Variants in KY observed in about 807,000 individuals in gnomAD.
KY encodes the protein kyphoscoliosis peptidase.
A neutral mutation model predicts 76.1 loss-of-function variants in KY; 43 were observed. The ratio of observed to expected loss-of-function variants is 0.57; its 90% CI spans 0.44 to 0.73. KY has a LOEUF of 0.73. KY is among the 30% of genes least tolerant of loss of function. The probability of loss-of-function intolerance (pLI) is 0.00; values close to 1 mark genes in which losing one functional copy is unlikely to be tolerated. For missense variants in KY, 722 were observed against 828.9 expected, an observed-to-expected ratio of 0.87 and a Z score of 1.58; for synonymous variants, 277 against 326.2, an observed-to-expected ratio of 0.85 and a Z score of 1.63.
chr3:134,631,088 A>G (rs1964164059), intron 3 of KY, among the ~76,000 whole-genome samples: 1 of 152,220 alleles, frequency 6.6e-6, no homozygotes, highest in South Asian at 2.1e-4. Flanking sequence ...AGAGATCTGT[A>G]GGTCAATACC....
At chr3:134,618,035 T>C (rs556896545) in intron 8 of KY, among the ~76,000 whole-genome samples, 88 of 152,102 alleles carry the variant, frequency 5.8e-4, no homozygotes, top group African/African-American at 2.1e-3. Context: ...CTGGGTGGCA[T>C]ATTCTGTACC....
intron 3 of KY, among the ~76,000 whole-genome samples, chr3:134,637,122 G>A (rs1965085883): frequency 6.6e-6 from 1 of 152,214 alleles, no homozygotes; most frequent in African/African-American, 2.4e-5. Flanking sequence ...AGCTTTGAAG[G>A]GGTTAACATT....
intron 5 of KY, among the ~76,000 whole-genome samples, chr3:134,625,792 C>G (rs1226043852): frequency 3.3e-5 from 5 of 152,256 alleles, no homozygotes; most frequent in African/African-American, 1.2e-4. Context: ...AAGGCTGGGC[C>G]TCCAAATCAC....
In KY at chr3:134,603,555, G is replaced by A; in HGVS notation, c.*24C>T. On this transcript the variant is annotated 3_prime_UTR_variant, in exon 11 of 11. Coordinates refer to ENST00000423778, the MANE Select transcript of KY (RefSeq NM_178554.6). Reference sequence around the variant, plus strand: ...GGGAGGTCTGGCCTTGGCCCTTTGGGAGGGTAAGACCGGGGCACAGCCCTC... The same window carrying A: ...GGGAGGTCTGGCCTTGGCCCTTTGGAAGGGTAAGACCGGGGCACAGCCCTC... 1 of 1,544,052 alleles carries A rather than the reference G, an allele frequency of 6.5e-7. No individual in the cohort carries two copies. Among genetic ancestry groups the A allele is most frequent in the Non-Finnish European group, 8.8e-7 (1 of 1,142,374 alleles).
intron 8 of KY, among the ~76,000 whole-genome samples, chr3:134,616,200 C>G (rs944232931): frequency 6.6e-6 from 1 of 152,204 alleles, no homozygotes. Context: ...ACTGGACCAG[C>G]AGTTACAAGC....
Position 134,650,993 on chromosome 3 carries a change from G to A in KY, c.-33C>T. ...CCTCCTTTCCGACCTGGGCGCCGCG[G>A]CCGCACGCTAGGCTGCTTGCGCTGC... On this transcript the variant is annotated 5_prime_UTR_variant, in exon 1 of 11. Coordinates refer to ENST00000423778, the MANE Select transcript of KY (RefSeq NM_178554.6). 6.2e-7 allele frequency: 1 copy of A among 1,612,232 alleles called. No homozygotes were observed. Among genetic ancestry groups the A allele is most frequent in the Non-Finnish European group, 8.5e-7 (1 of 1,179,088 alleles).
At chr3:134,608,453 C>A (rs1179429713) in intron 10 of KY, 196 bp downstream of exon 10, 13 of 1,522,900 alleles carry the variant, frequency 8.5e-6, no homozygotes, top group Non-Finnish European at 1.1e-5. Flanking sequence ...GCCTATGGCC[C>A]TTCCCTGCCC....
At chr3:134,648,402 C>T (rs756297324) in intron 1 of KY, among the ~76,000 whole-genome samples, 1 of 152,192 alleles carries the variant, frequency 6.6e-6, no homozygotes, top group South Asian at 2.1e-4. Flanking sequence ...TCATGACACA[C>T]CTATGGAGTA....
intron 10 of KY, among the ~76,000 whole-genome samples, chr3:134,606,169 T>C (rs1188472678): frequency 6.6e-6 from 1 of 152,148 alleles, no homozygotes; most frequent in Non-Finnish European, 1.5e-5. Context: ...ATCTCACAAC[T>C]GGCTGTGAGT....
intron 2 of KY, among the ~76,000 whole-genome samples, chr3:134,647,058 C>G (rs1966526745): frequency 6.6e-6 from 1 of 152,190 alleles, no homozygotes; most frequent in Non-Finnish European, 1.5e-5. Flanking sequence ...GTCATACTGT[C>G]CCAAGGCAGA....
intron 10 of KY, chr3:134,608,409 C>T: frequency 1.4e-6 from 2 of 1,478,600 alleles, no homozygotes; most frequent in Non-Finnish European, 1.8e-6. Context: ...TGGGTTTATG[C>T]TAGTGTGAGT....
At chr3:134,650,699 G>C in intron 1 of KY, 126 bp downstream of exon 1, 1 of 877,450 alleles carries the variant, frequency 1.1e-6, no homozygotes, top group Admixed American at 3.2e-5. Context: ...CGGCAGCCAT[G>C]GGGGAGAGGG....
At chr3:134,609,061 G>A (rs1027613538) in intron 9 of KY, among the ~76,000 whole-genome samples, 1 of 152,192 alleles carries the variant, frequency 6.6e-6, no homozygotes, top group African/African-American at 2.4e-5. Context: ...CTGCAACTGT[G>A]GTCTGCACTC....
In KY at chr3:134,603,822, C is replaced by A. The variant is rs1036951744; in HGVS notation, c.1743G>T (p.Leu581=). The A allele has an allele frequency of 5.6e-6, 9 of 1,613,814 alleles. No homozygotes were observed. The South Asian group carries it at 8.8e-5, about 16-fold the overall frequency. The stretch of plus-strand genomic sequence containing the variant: ...GAAGCACACCTGACAGAGGTTCCAG[C>A]AGCTCATTGTCCTGTCCCCAGTTGC... ...SFGNWGQDNE[L]LEPLSGVLPA... The change falls in exon 11 of 11, where the codon CTG becomes CTT. Residue 581 remains leucine, a synonymous_variant. Coordinates refer to ENST00000423778, the MANE Select transcript of KY (RefSeq NM_178554.6).
At chr3:134,629,884 G>GA (rs1963992567) in intron 3 of KY, among the ~76,000 whole-genome samples, 189 bp from the exon 4 acceptor site, 1 of 152,164 alleles carries the variant, frequency 6.6e-6, no homozygotes. Context: ...ATTCAGGCAA[G>GA]ATGGAGTAAA....
intron 2 of KY, among the ~76,000 whole-genome samples, chr3:134,644,553 C>A (rs1966201893): frequency 6.6e-6 from 1 of 152,208 alleles, no homozygotes; most frequent in Admixed American, 6.5e-5. Flanking sequence ...TCTGGCCTGC[C>A]ATCTTCTCTC....
chr3:134,616,413 G>A (rs980831452), intron 8 of KY, among the ~76,000 whole-genome samples: 3 of 152,056 alleles, frequency 2.0e-5, no homozygotes, highest in African/African-American at 4.8e-5. Context: ...CAGCAAGTGC[G>A]GATTATATGT....
intron 3 of KY, among the ~76,000 whole-genome samples, chr3:134,635,906 A>G (rs906471328): frequency 6.6e-6 from 1 of 152,226 alleles, no homozygotes; most frequent in African/African-American, 2.4e-5. Flanking sequence ...CATATTTTTC[A>G]TAACCTGCTT....
chr3:134,604,768 A>G (rs1438385751), intron 10 of KY, among the ~76,000 whole-genome samples: 1 of 152,194 alleles, frequency 6.6e-6, no homozygotes, highest in Non-Finnish European at 1.5e-5. Context: ...CCCAAGCTGT[A>G]TGTGTGCATC....
Sources: gnomAD v4.1 joint callset for allele counts (sites outside exome capture counted in the v4.1 genomes callset) on GRCh38, gnomAD v4.1.1 for gene constraint, MANE v1.5 for transcripts, NCBI Gene and HGNC (gene_info 2026-07-23, HGNC 2026-07-21) for gene names.